Variants in LAYN observed in about 807,000 individuals in gnomAD.
LAYN encodes the protein layilin.
In LAYN, 38 loss-of-function variants were observed where a neutral mutation model predicts 43.6. The ratio of observed to expected loss-of-function variants is 0.87; its 90% CI spans 0.67 to 1.14. The LOEUF is 1.14. LAYN is among the 50% of genes most tolerant of loss of function. The probability of loss-of-function intolerance (pLI) is 0.00; values close to 1 mark genes in which losing one functional copy is unlikely to be tolerated. For synonymous variants in LAYN, 168 were observed against 172.9 expected, an observed-to-expected ratio of 0.97 and a Z score of 0.22; for missense variants, 479 against 463.8, an observed-to-expected ratio of 1.03 and a Z score of -0.30.
chr11:111,543,944 G>A lies in LAYN; in HGVS notation c.107G>A (p.Gly36Glu), dbSNP rs574688254. The change falls in exon 2 of 7, where the codon GGG becomes GAG. Residue 36 changes from glycine to glutamate, a missense_variant. Physicochemically the swap from Gly to Glu is moderately conservative, Grantham distance 98 (BLOSUM62 -2). Transcript: ENST00000375614. Reference protein sequence around the residue: ...LLSGQPVCRGGTQRPCYKVIY... With the variant: ...LLSGQPVCRGETQRPCYKVIY... Reference sequence around the variant, plus strand: ...CTAGGGCAGCCAGTCTGCCGGGGAGGGACACAGAGGCCTTGTTATAAAGTC... The same window carrying A: ...CTAGGGCAGCCAGTCTGCCGGGGAGAGACACAGAGGCCTTGTTATAAAGTC... 4 of 1,612,756 alleles carry A rather than the reference G, an allele frequency of 2.5e-6. No individual in the cohort carries two copies. The South Asian group carries it at 4.4e-5, about 18-fold the overall frequency.
intron 3 of LAYN, among the ~76,000 whole-genome samples, chr11:111,551,067 G>A (rs1490190298): frequency 2.0e-5 from 3 of 152,212 alleles, no homozygotes; most frequent in African/African-American, 7.2e-5. Context: ...TAGGCCAAGA[G>A]CAAGAGATGG....
At position 111,560,744 on chromosome 11, in the gene LAYN, G is replaced by A. The variant is rs1867942085; in HGVS notation, c.*286G>A. 2.8e-6 allele frequency: 1 copy of A among 354,396 alleles called. No homozygotes were observed. The highest frequency in any genetic ancestry group is 2.1e-5 in the African/African-American group (1 of 48,344). 22.0% of individuals were successfully genotyped at this position (354,396 alleles called of 1,614,324 possible). ...TGGTTGGTTGTATCTAACTTTTAAG[G>A]GACAGAGCTTTACCTGGCAGTGATA... On this transcript the variant is annotated 3_prime_UTR_variant, in exon 7 of 7. Coordinates refer to ENST00000375614, the MANE Select transcript of LAYN (RefSeq NM_178834.5).
intron 3 of LAYN, chr11:111,551,289 C>T: frequency 2.2e-6 from 1 of 455,452 alleles, no homozygotes; most frequent in Non-Finnish European, 4.4e-6. Flanking sequence ...ACTTCTCTTT[C>T]CTTCTATCCT....
chr11:111,540,421 A>G, upstream of LAYN: 2 of 200,362 alleles, frequency 1.0e-5, no homozygotes, highest in Non-Finnish European at 2.0e-5. Context: ...GAGGGGTGAG[A>G]TGTGGTGCTA....
Position 111,540,870 on chromosome 11 carries a change from C to G in LAYN, c.27C>G (p.Ala9=), listed in dbSNP as rs17852272. Residue 9 remains alanine, a synonymous_variant, in exon 1 of 7, where the codon GCC becomes GCG. Coordinates refer to ENST00000375614, the MANE Select transcript of LAYN (RefSeq NM_178834.5). ...TGAGGCCGGGAACCGCGCTACAGGCCGTGCTGCTGGCCGTGCTGCTGGTGG... is the reference window on the plus strand; with the variant it reads ...TGAGGCCGGGAACCGCGCTACAGGCGGTGCTGCTGGCCGTGCTGCTGGTGG... MRPGTALQ[A]VLLAVLLVGL... 1.3e-6 allele frequency: 2 copies of G among 1,532,010 alleles called. No homozygotes were observed. The highest frequency in any genetic ancestry group is 1.7e-6 in the Non-Finnish European group (2 of 1,145,486). The allele number at this position is 1,532,010 out of a possible 1,614,324, so 94.9% of individuals were successfully genotyped here.
chr11:111,561,659 A>T lies in LAYN; in HGVS notation c.*1201A>T, dbSNP rs997105015. On this transcript the variant is annotated 3_prime_UTR_variant, in exon 7 of 7. Transcript: ENST00000375614. ...GCAATTTCCCTCAATCAGCTTCATA[A>T]TCTCATATTTTAACCTTTCCTCATA... 5.9e-5 allele frequency: 9 copies of T among 152,110 alleles called. No homozygotes were observed. The highest frequency in any genetic ancestry group is 5.2e-4 in the Admixed American group (8 of 15,266). 9.4% of individuals were successfully genotyped at this position (152,110 alleles called of 1,614,324 possible). A position where few individuals can be genotyped will look rare whatever the true frequency, so the allele number is the denominator to read the frequency against.
At position 111,557,629 on chromosome 11, in the gene LAYN, G is replaced by A. The variant is rs1389779785; in HGVS notation, c.747G>A (p.Trp249Ter). The A allele has an allele frequency of 6.2e-7, 1 of 1,613,614 alleles. No individual in the cohort carries two copies. Among genetic ancestry groups the A allele is most frequent in the Non-Finnish European group, 8.5e-7 (1 of 1,179,564 alleles). ...TCACCACAGTTGTATGTTGGGTTTG[G>A]ATCTGTAGAAAAAGGCAAGTAAAAC... is the stretch of plus-strand genomic sequence containing the variant. ...LVVTTVVCWV[W>*]ICRKRKREQP... is the part of the protein sequence containing the mutation. The change falls in exon 6 of 7, where the codon TGG becomes TGA. Residue 249 changes from tryptophan (W) to a stop codon, truncating the protein, a stop_gained. Transcript: ENST00000375614. LOFTEE classifies it high-confidence loss of function.
chr11:111,544,093 A>G lies in LAYN; in HGVS notation c.256A>G (p.Ile86Val). 1 of 1,614,242 alleles carries G rather than the reference A, an allele frequency of 6.2e-7. No individual in the cohort carries two copies. The highest frequency in any genetic ancestry group is 8.5e-7 in the Non-Finnish European group (1 of 1,180,042). The part of the protein sequence containing the change: ...EDEQKLIEKF[I>V]ENLLPSDGDF... ...TGAACAGAAACTGATAGAAAAGTTCATTGAAAACCTCTTGCCATCTGATGG... is the reference window on the plus strand; with the variant it reads ...TGAACAGAAACTGATAGAAAAGTTCGTTGAAAACCTCTTGCCATCTGATGG... The change falls in exon 2 of 7, where the codon ATT becomes GTT. Residue 86 changes from isoleucine (I) to valine (V), a missense_variant. Transcript: ENST00000375614.
intron 6 of LAYN, among the ~76,000 whole-genome samples, chr11:111,559,543 C>T (rs75285841): frequency 3.9e-5 from 6 of 152,040 alleles, no homozygotes; most frequent in South Asian, 2.1e-4. Flanking sequence ...CAGCTCACTG[C>T]GGCCTTGACC....
intron 3 of LAYN, among the ~76,000 whole-genome samples, chr11:111,553,589 A>G (rs544228907): frequency 4.5e-4 from 68 of 150,976 alleles, no homozygotes; most frequent in African/African-American, 1.6e-3. Context: ...TCTGAACTCC[A>G]GCCTGGGTGA....
At chr11:111,554,529 C>T in intron 3 of LAYN, 32 bp from the exon 4 acceptor site, 1 of 1,573,272 alleles carries the variant, frequency 6.4e-7, no homozygotes, top group East Asian at 2.2e-5. Flanking sequence ...AAACTTACTA[C>T]TTATTTTTGT....
chr11:111,559,523 G>A (rs539243543), intron 6 of LAYN, among the ~76,000 whole-genome samples: 20 of 151,726 alleles, frequency 1.3e-4, no homozygotes, highest in African/African-American at 3.9e-4. Context: ...GGAGTGCAGC[G>A]GTACCATCAC....
chr11:111,554,726 C>A, intron 4 of LAYN, 133 bp downstream of exon 4: 2 of 726,186 alleles, frequency 2.8e-6, no homozygotes, highest in Non-Finnish European at 4.7e-6. Flanking sequence ...GCATTTGGGA[C>A]AGGTATACAC....
chr11:111,541,638 G>T, intron 1 of LAYN: 1 of 1,493,852 alleles, frequency 6.7e-7, no homozygotes, highest in Non-Finnish European at 9.0e-7. Flanking sequence ...GTCGGGGGGA[G>T]AACATCCGTG....
At chr11:111,547,939 C>T (rs183399862) in intron 2 of LAYN, among the ~76,000 whole-genome samples, 70 of 152,276 alleles carry the variant, frequency 4.6e-4, no homozygotes, top group African/African-American at 1.4e-3. Context: ...GACCAAGAGA[C>T]GACGCAGCTC....
intron 3 of LAYN, among the ~76,000 whole-genome samples, chr11:111,552,224 A>T (rs141697545): frequency 9.7e-4 from 147 of 152,294 alleles, no homozygotes; most frequent in African/African-American, 3.2e-3. Context: ...TAAAAAAATA[A>T]CTTCCTTTGG....
intron 5 of LAYN, 141 bp from the exon 6 acceptor site, chr11:111,557,400 T>C: frequency 1.4e-6 from 1 of 696,194 alleles, no homozygotes; most frequent in Non-Finnish European, 2.5e-6. Context: ...TCCTTTGTTT[T>C]GTTTTTTAAT....
At position 111,551,995 on chromosome 11, in the gene LAYN, T is replaced by C. The variant is rs563955806; in HGVS notation, c.541+2220T>C. ...CAACTTGTTTGCAGGAAAAATGTTA[T>C]GTATGTGTATGTGTGTGTGTATATA... On this transcript the variant is annotated intron_variant, in intron 3 of 6. Coordinates refer to ENST00000375614, the MANE Select transcript of LAYN (RefSeq NM_178834.5). 3.0e-4 allele frequency among the ~76,000 whole-genome samples: 22 copies of C among 74,404 alleles called. 1 individual carries two copies. The highest frequency in any genetic ancestry group is 8.2e-4 in the African/African-American group (22 of 26,692). 48.8% of individuals were successfully genotyped at this position (74,404 alleles called of 152,430 possible).
At position 111,543,367 on chromosome 11, in the gene LAYN, A is replaced by T. The variant is rs530725203; in HGVS notation, c.86-556A>T. Among the ~76,000 whole-genome samples, 6 of 152,334 alleles carry T rather than the reference A, an allele frequency of 3.9e-5. No individual in the cohort carries two copies. The South Asian group carries it at 1.2e-3, about 32-fold the overall frequency. On this transcript the variant is annotated intron_variant, in intron 1 of 6. Transcript: ENST00000375614. ...TCAGTAAACCTTAACTGTTGTCTTT[A>T]GGTCAGAGGGCTGACTGTCAGTAGC...
Sources: gnomAD v4.1 joint callset for allele counts (sites outside exome capture counted in the v4.1 genomes callset) on GRCh38, gnomAD v4.1.1 for gene constraint, MANE v1.5 for transcripts, NCBI Gene and HGNC (gene_info 2026-07-23, HGNC 2026-07-21) for gene names.